Variants in EXOC5 observed in about 807,000 individuals in gnomAD.
EXOC5 encodes the protein exocyst complex component 5, also known as SEC10-like 1.
Under a neutral mutation model 90.8 loss-of-function variants are expected in EXOC5, and 17 were observed. The ratio of observed to expected loss-of-function variants is 0.19; its 90% CI spans 0.13 to 0.28. The LOEUF is 0.28. EXOC5 is among the 10% of genes least tolerant of loss of function. The probability of loss-of-function intolerance (pLI) is 1.00; values close to 1 mark genes in which losing one functional copy is unlikely to be tolerated. For synonymous variants in EXOC5, 260 were observed against 270.0 expected (o/e 0.96, Z 0.36); for missense variants, 569 against 830.6 (o/e 0.69, Z 3.87).
At chr14:57,212,862 T>C (rs1375813812) in intron 15 of EXOC5, among the ~76,000 whole-genome samples, 1 of 152,218 alleles carries the variant, frequency 6.6e-6, no homozygotes, top group East Asian at 1.9e-4. Flanking sequence ...AGTAGCAATG[T>C]ATTCATTGCA....
At chr14:57,209,839 G>A in intron 16 of EXOC5, 57 bp from the exon 17 acceptor site, 1 of 1,331,154 alleles carries the variant, frequency 7.5e-7, no homozygotes, top group Admixed American at 2.2e-5. Context: ...TAGCTAAAGA[G>A]GAAATACAGT....
Position 57,247,721 on chromosome 14 carries a change from C to A in EXOC5, c.28-9G>T. On this transcript the variant is annotated splice_polypyrimidine_tract_variant and intron_variant, in intron 1 of 17. Transcript: ENST00000621441. ...TCTGCCACAAAAGGCTCCTAGTTTA[C>A]AAAAAAATACGCTTTAACAAAGTTT... is the stretch of plus-strand genomic sequence containing the variant. 2 of 1,438,202 alleles carry A rather than the reference C, an allele frequency of 1.4e-6. No individual in the cohort carries two copies. The highest frequency in any genetic ancestry group is 1.4e-5 in the South Asian group (1 of 73,588). 89.1% of individuals were successfully genotyped at this position (1,438,202 alleles called of 1,614,324 possible).
At chr14:57,213,675 T>TA (rs1882890795) in intron 15 of EXOC5, among the ~76,000 whole-genome samples, 1 of 152,002 alleles carries the variant, frequency 6.6e-6, no homozygotes, top group Admixed American at 6.6e-5. Flanking sequence ...AATTTTTTTT[T>TA]AAAGATAAAC....
chr14:57,239,752 T>C (rs1883799138), intron 4 of EXOC5, 93 bp from the exon 5 acceptor site: 2 of 721,522 alleles, frequency 2.8e-6, no homozygotes, highest in Non-Finnish European at 4.6e-6. Context: ...TCTCCCTGCA[T>C]GTGCCCACAG....
chr14:57,230,910 GAA>G (rs1045648341), intron 11 of EXOC5, among the ~76,000 whole-genome samples: 1 of 130,714 alleles, frequency 7.7e-6, no homozygotes, highest in Admixed American at 7.8e-5. Flanking sequence ...ATTCTATCGA[GAA>G]AAAAAAAAAT....
intron 1 of EXOC5, among the ~76,000 whole-genome samples, chr14:57,254,555 A>G (rs1356327991): frequency 6.6e-6 from 1 of 152,210 alleles, no homozygotes; most frequent in Non-Finnish European, 1.5e-5. Flanking sequence ...AAGTAAGTTA[A>G]GATTGGAAGA....
Position 57,268,631 on chromosome 14 carries a change from C to A in EXOC5, c.18G>T (p.Glu6Asp). Residue 6 changes from glutamate (E) to aspartate (D), a missense_variant, in exon 1 of 18, where the codon GAG becomes GAT. Glu to Asp is a conservative substitution (Grantham distance 45). Around this residue, in one of 9 missense-constraint regions of EXOC5, gnomAD observed 22 missense variants for 16.6 expected, o/e 1.33. Transcript: ENST00000621441. MATTA[E>D]LFEEPFVADE... ...AGCCGCCGGGGCCCACCTCGAAGAGCTCGGCCGTGGTAGCCATCCCGGCCG... is the reference window on the plus strand; with the variant it reads ...AGCCGCCGGGGCCCACCTCGAAGAGATCGGCCGTGGTAGCCATCCCGGCCG... The A allele has an allele frequency of 6.3e-7, 1 of 1,591,364 alleles. No homozygotes were observed. The highest frequency in any genetic ancestry group is 8.5e-7 in the Non-Finnish European group (1 of 1,174,716).
chr14:57,248,097 T>G (rs1271388152), intron 1 of EXOC5, among the ~76,000 whole-genome samples: 1 of 151,476 alleles, frequency 6.6e-6, no homozygotes, highest in Non-Finnish European at 1.5e-5. Context: ...TCACAAAGTT[T>G]TTTTTTTTTT....
At chr14:57,262,086 CTG>C (rs944862025) in intron 1 of EXOC5, among the ~76,000 whole-genome samples, 1 of 152,178 alleles carries the variant, frequency 6.6e-6, no homozygotes, top group Non-Finnish European at 1.5e-5. Context: ...TCTGAGTCAA[CTG>C]AGACTGAGAA....
intron 11 of EXOC5, among the ~76,000 whole-genome samples, chr14:57,231,283 A>C (rs1004681247): frequency 3.3e-5 from 5 of 152,272 alleles, no homozygotes; most frequent in Admixed American, 3.3e-4. Flanking sequence ...TGCTGCGATT[A>C]CAGGAGTGAG....
In EXOC5 at chr14:57,233,865, C is replaced by A; in HGVS notation, c.733G>T (p.Asp245Tyr). ...AGTATTCCAGCGTCTTCAAATATAT[C>A]ATTTCTCAAATAAGCACCCTAAACA... Reference protein sequence around the residue: ...QCQEGAYLRNDIFEDAGILCQ... With the variant: ...QCQEGAYLRNYIFEDAGILCQ... The change falls in exon 9 of 18, where the codon GAT (aspartate) becomes TAT (tyrosine). Residue 245 changes from aspartate (D) to tyrosine (Y), a missense_variant. Physicochemically the swap from Asp to Tyr is radical, Grantham distance 160. This residue lies in a region of EXOC5 where 114 missense variants were observed against 111.2 expected (regional missense o/e 1.03). Transcript: ENST00000621441. 1 of 1,610,964 alleles carries A rather than the reference C, an allele frequency of 6.2e-7. No homozygotes were observed. The highest frequency in any genetic ancestry group is 8.5e-7 in the Non-Finnish European group (1 of 1,177,624).
At chr14:57,247,805 TTAAAA>T (rs1884073751) in intron 1 of EXOC5, 93 bp from the exon 2 acceptor site, 1 of 549,590 alleles carries the variant, frequency 1.8e-6, no homozygotes, top group Non-Finnish European at 3.1e-6. Flanking sequence ...AGGTAAAAAC[TTAAAA>T]TGAAATTACT....
At chr14:57,262,656 A>G (rs1485208358) in intron 1 of EXOC5, among the ~76,000 whole-genome samples, 2 of 147,404 alleles carry the variant, frequency 1.4e-5, no homozygotes, top group East Asian at 3.9e-4. Context: ...ACATATATAC[A>G]TATATACATA....
At chr14:57,236,566 GC>G (rs1372351745) in intron 6 of EXOC5, among the ~76,000 whole-genome samples, 10 of 152,064 alleles carry the variant, frequency 6.6e-5, no homozygotes, top group Non-Finnish European at 1.5e-4. Context: ...GATTACAGGT[GC>G]GAACCACCAT....
At chr14:57,242,402 G>A (rs533036580) in intron 4 of EXOC5, among the ~76,000 whole-genome samples, 13 of 137,046 alleles carry the variant, frequency 9.5e-5, no homozygotes, top group East Asian at 4.0e-4. Flanking sequence ...GTGCCACAAC[G>A]GTCAGCTAAT....
At chr14:57,238,369 T>TAC (rs1296416335) in intron 5 of EXOC5, among the ~76,000 whole-genome samples, 26 of 99,350 alleles carry the variant, frequency 2.6e-4, no homozygotes, top group African/African-American at 8.3e-4. Flanking sequence ...TATATATATA[T>TAC]ATATATACAC....
chr14:57,244,495 G>T (rs1883974527), intron 3 of EXOC5, 136 bp from the exon 4 acceptor site: 1 of 667,160 alleles, frequency 1.5e-6, no homozygotes, highest in South Asian at 1.9e-5. Flanking sequence ...GCTCATTAGT[G>T]TGACATGATC....
At chr14:57,248,042 C>A (rs1257599446) in intron 1 of EXOC5, among the ~76,000 whole-genome samples, 2 of 150,014 alleles carry the variant, frequency 1.3e-5, no homozygotes, top group Non-Finnish European at 3.0e-5. Flanking sequence ...AATGTACAGC[C>A]TTACTAGTAA....
rs181859923 is a variant in EXOC5 at position 57,222,722 on chromosome 14, A to G, written c.1297-306T>C. Among the ~76,000 whole-genome samples, 87 of 150,780 alleles carry G rather than the reference A, an allele frequency of 5.8e-4. 1 individual carries two copies. The highest frequency in any genetic ancestry group is 2.0e-3 in the African/African-American group (82 of 40,884). On this transcript the variant is annotated intron_variant, in intron 12 of 17. Coordinates refer to ENST00000621441, the MANE Select transcript of EXOC5 (RefSeq NM_006544.4). ...CATATATATATATATATACCCCCAT[A>G]TATTATATACACACACATATATATA... is the stretch of plus-strand genomic sequence containing the variant.
Sources: allele counts gnomAD v4.1 joint callset (sites outside exome capture counted in the v4.1 genomes callset), GRCh38; gene constraint gnomAD v4.1.1; regional missense constraint gnomAD v4.1.1; transcripts MANE v1.5; gene names NCBI Gene and HGNC (gene_info 2026-07-23, HGNC 2026-07-21).